Variants in CEP112 observed in about 807,000 individuals in gnomAD.
CEP112 encodes centrosomal protein of 112 kDa.
A neutral mutation model predicts 153.0 loss-of-function variants in CEP112; 127 were observed. That is an observed-to-expected ratio of 0.83 (90% CI 0.72 to 0.96). The LOEUF is 0.96. CEP112 is among the 40% of genes least tolerant of loss of function. CEP112 has a pLI of 0.00. For missense variants in CEP112, 1,089 were observed against 1,101.2 expected (o/e 0.99, Z 0.16); for synonymous variants, 358 against 374.4 (o/e 0.96, Z 0.51).
chr17:66,123,891 A>T (rs2069717559), intron 6 of CEP112, among the ~76,000 whole-genome samples: 2 of 152,110 alleles, frequency 1.3e-5, no homozygotes, highest in Admixed American at 6.5e-5. Flanking sequence ...CTGAAAAATT[A>T]TTATCTTAAT....
At chr17:65,955,580 C>G (rs1010067047) in intron 18 of CEP112, among the ~76,000 whole-genome samples, 1 of 152,082 alleles carries the variant, frequency 6.6e-6, no homozygotes, top group African/African-American at 2.4e-5. Context: ...AATTCACCAA[C>G]CAAATTTCTG....
At chr17:65,658,044 A>C (rs1047281922) in intron 24 of CEP112, among the ~76,000 whole-genome samples, 6 of 152,246 alleles carry the variant, frequency 3.9e-5, no homozygotes, top group Admixed American at 3.9e-4. Context: ...TATGTGCCAG[A>C]TACTGTATTA....
chr17:66,115,826 C>G (rs1396914365), intron 6 of CEP112, among the ~76,000 whole-genome samples: 1 of 152,198 alleles, frequency 6.6e-6, no homozygotes, highest in Non-Finnish European at 1.5e-5. Context: ...TAATTGTTGT[C>G]TCAGTGATTG....
chr17:65,827,406 C>G (rs1188235759), intron 21 of CEP112, among the ~76,000 whole-genome samples: 1 of 152,162 alleles, frequency 6.6e-6, no homozygotes, highest in Non-Finnish European at 1.5e-5. Flanking sequence ...TCAAATCCAT[C>G]AGAAAATCAT....
chr17:65,960,035 C>T (rs2062143490), intron 18 of CEP112, among the ~76,000 whole-genome samples: 1 of 152,172 alleles, frequency 6.6e-6, no homozygotes, highest in African/African-American at 2.4e-5. Context: ...AATCCTCAGT[C>T]AGATTCAAAC....
Position 65,699,273 on chromosome 17 carries a change from C to T in CEP112, c.2608-10055G>A, listed in dbSNP as rs1336649824. Reference sequence around the variant, plus strand: ...TTTACACTACGGTAATGAGCATTTACTGGTAACATTAACCAACTCTATAAA... The same window carrying T: ...TTTACACTACGGTAATGAGCATTTATTGGTAACATTAACCAACTCTATAAA... On this transcript the variant is annotated intron_variant, in intron 23 of 26. Transcript: ENST00000535342. Among the ~76,000 whole-genome samples the T allele has an allele frequency of 2.0e-5, 3 of 152,184 alleles. No individual in the cohort carries two copies. In the East Asian group the frequency reaches 5.8e-4, roughly 29 times the overall value.
chr17:66,140,322 T>A (rs2146603812), intron 4 of CEP112, among the ~76,000 whole-genome samples: 1 of 152,216 alleles, frequency 6.6e-6, no homozygotes, highest in South Asian at 2.1e-4. Context: ...AGCATAATAC[T>A]CGAACAGTGA....
intron 24 of CEP112, among the ~76,000 whole-genome samples, chr17:65,663,198 C>G (rs1328798182): frequency 6.6e-6 from 1 of 152,122 alleles, no homozygotes; most frequent in Non-Finnish European, 1.5e-5. Context: ...AATACTAAGA[C>G]AGGTGAAACC....
At chr17:65,718,836 G>A (rs1364567556) in intron 23 of CEP112, among the ~76,000 whole-genome samples, 3 of 152,194 alleles carry the variant, frequency 2.0e-5, no homozygotes, top group Admixed American at 2.0e-4. Flanking sequence ...GCCTGTAAGT[G>A]TGATTGTTCT....
At chr17:66,022,280 GA>G (rs1466454399) in intron 16 of CEP112, among the ~76,000 whole-genome samples, 1 of 152,138 alleles carries the variant, frequency 6.6e-6, no homozygotes, top group African/African-American at 2.4e-5. Flanking sequence ...TCAAAACTAA[GA>G]AGTTACTATT....
At chr17:66,076,395 A>G (rs113011093) in intron 8 of CEP112, among the ~76,000 whole-genome samples, 11 of 152,260 alleles carry the variant, frequency 7.2e-5, no homozygotes, top group African/African-American at 2.4e-4. Context: ...CCAGCCCTGA[A>G]GACTGTGTGG....
intron 21 of CEP112, among the ~76,000 whole-genome samples, chr17:65,815,185 C>T (rs2056200193): frequency 6.6e-6 from 1 of 151,900 alleles, no homozygotes; most frequent in Non-Finnish European, 1.5e-5. Context: ...CAATTAATTT[C>T]AAGGTAACTT....
At chr17:65,983,960 T>C (rs2063315164) in intron 17 of CEP112, among the ~76,000 whole-genome samples, 1 of 152,220 alleles carries the variant, frequency 6.6e-6, no homozygotes, top group African/African-American at 2.4e-5. Flanking sequence ...AGTTTTACTA[T>C]ATTTTTCACA....
chr17:65,877,688 T>C (rs186402189), intron 20 of CEP112, among the ~76,000 whole-genome samples: 1 of 152,320 alleles, frequency 6.6e-6, no homozygotes, highest in East Asian at 1.9e-4. Context: ...AAGAACACTA[T>C]GTAAAAAAAC....
At chr17:65,851,657 A>G (rs2057936608) in intron 21 of CEP112, 147 bp downstream of exon 21, 4 of 620,084 alleles carry the variant, frequency 6.5e-6, no homozygotes, top group East Asian at 2.7e-5. Flanking sequence ...TAGGAGCAAG[A>G]TACTTAAATT....
At chr17:65,768,006 C>T (rs2053097592) in intron 21 of CEP112, among the ~76,000 whole-genome samples, 2 of 152,010 alleles carry the variant, frequency 1.3e-5, no homozygotes, top group South Asian at 4.1e-4. Context: ...CTGGATAATA[C>T]AGCTGACCCT....
intron 2 of CEP112, among the ~76,000 whole-genome samples, chr17:66,179,600 G>C (rs2072631606): frequency 6.6e-6 from 1 of 152,058 alleles, no homozygotes; most frequent in Non-Finnish European, 1.5e-5. Context: ...GGAGTCTTTA[G>C]GTATTTCCAA....
At chr17:66,037,241 A>C (rs546482836) in intron 12 of CEP112, among the ~76,000 whole-genome samples, 1 of 152,340 alleles carries the variant, frequency 6.6e-6, no homozygotes, top group African/African-American at 2.4e-5. Context: ...TAAAGTCAAA[A>C]GTTATCAGGT....
rs556954431 is a variant in CEP112, at chr17:66,033,989, G to A, written c.1219-3966C>T. Among the ~76,000 whole-genome samples the A allele has an allele frequency of 1.5e-4, 23 of 152,180 alleles. No individual in the cohort carries two copies. In the South Asian group the frequency reaches 4.6e-3, roughly 30 times the overall value. On this transcript the variant is annotated intron_variant, in intron 12 of 26. Transcript: ENST00000535342. ...ATCAAAAATACAATATTCACAGGAT[G>A]TGAGACCCACTTACATGAAGGGTCC...
Sources: gnomAD v4.1 joint callset for allele counts (sites outside exome capture counted in the v4.1 genomes callset) on GRCh38, gnomAD v4.1.1 for gene constraint, MANE v1.5 for transcripts, NCBI Gene and HGNC (gene_info 2026-07-23, HGNC 2026-07-21) for gene names.